The following STXBP4 variants were observed in gnomAD, a reference collection of about 807,000 sequenced individuals.
The protein encoded by STXBP4 is syntaxin binding protein 4.
STXBP4 carries 55 observed loss-of-function variants against 76.1 expected under a neutral mutation model. The observed-to-expected ratio is 0.72, with a 90% confidence interval of 0.58 to 0.91. STXBP4 has a LOEUF of 0.91. Among genes scored for constraint, STXBP4 ranks in the 40% least tolerant of loss-of-function variants. The pLI, the probability that STXBP4 is intolerant of heterozygous loss-of-function variation, is 0.00. For synonymous variants in STXBP4, 201 were observed against 220.2 expected, an observed-to-expected ratio of 0.91 and a Z score of 0.77; for missense variants, 618 against 636.9, an observed-to-expected ratio of 0.97 and a Z score of 0.32.
the STXBP4 span, among the ~76,000 whole-genome samples, chr17:55,179,662 A>C: frequency 6.6e-6 from 1 of 152,142 alleles, no homozygotes; most frequent in Admixed American, 6.5e-5. Flanking sequence ...CAATATGAAG[A>C]TGATGAAGAT....
chr17:55,128,353 A>G (rs1229650014), intron 16 of STXBP4, among the ~76,000 whole-genome samples: 1 of 152,140 alleles, frequency 6.6e-6, no homozygotes, highest in East Asian at 1.9e-4. Context: ...TCAGGAAGTT[A>G]CCACGCTGGG....
the STXBP4 span, among the ~76,000 whole-genome samples, chr17:55,208,883 A>T: frequency 2.1e-4 from 32 of 151,904 alleles, no homozygotes; most frequent in Non-Finnish European, 8.8e-5. Context: ...GGAGTTCAAG[A>T]CCAGCCTGGC....
Position 55,017,172 on chromosome 17 carries a change from TTCTA to T in STXBP4, c.666+9579_666+9582del, listed in dbSNP as rs541757624. Among the ~76,000 whole-genome samples the T allele has an allele frequency of 1.4e-4, 22 of 152,308 alleles. No individual in the cohort carries two copies. In the South Asian group the frequency reaches 4.4e-3, roughly 30 times the overall value. ...ATAGGGCACACTGGTTTTTTACTAT[TTCTA>T]TCTTTCTCTTTCTCTCTTCGACTCT... is the stretch of plus-strand genomic sequence containing the variant. On this transcript the variant is annotated intron_variant, in intron 8 of 17. Coordinates refer to ENST00000376352, the MANE Select transcript of STXBP4 (RefSeq NM_178509.6).
intron 1 of STXBP4, among the ~76,000 whole-genome samples, chr17:54,978,940 T>G (rs1253951793): frequency 6.6e-6 from 1 of 152,212 alleles, no homozygotes; most frequent in African/African-American, 2.4e-5. Flanking sequence ...AGTATTGTTT[T>G]ACATGATTAT....
At chr17:55,192,240 A>G in the STXBP4 span, among the ~76,000 whole-genome samples, 5 of 152,320 alleles carry the variant, frequency 3.3e-5, no homozygotes, top group South Asian at 1.0e-3. Flanking sequence ...GATAGAGTGT[A>G]TATTTTCAGA....
intron 17 of STXBP4, among the ~76,000 whole-genome samples, chr17:55,143,758 C>A (rs959588682): frequency 1.3e-5 from 2 of 152,122 alleles, no homozygotes; most frequent in Non-Finnish European, 2.9e-5. Context: ...GGAAAATATA[C>A]CCCCAAAGGG....
At chr17:55,125,143 T>G (rs952857231) in intron 16 of STXBP4, among the ~76,000 whole-genome samples, 2 of 152,144 alleles carry the variant, frequency 1.3e-5, no homozygotes, top group Non-Finnish European at 2.9e-5. Flanking sequence ...AACGTACAAT[T>G]TATTCATGTG....
chr17:54,972,783 C>G (rs148954156), intron 1 of STXBP4, among the ~76,000 whole-genome samples: 101 of 152,294 alleles, frequency 6.6e-4, no homozygotes, highest in Non-Finnish European at 1.3e-3. Flanking sequence ...TGTGTATAAA[C>G]AAGTGTGCAT....
chr17:55,047,976 G>C (rs936738373), intron 12 of STXBP4, among the ~76,000 whole-genome samples: 1 of 151,838 alleles, frequency 6.6e-6, no homozygotes, highest in Non-Finnish European at 1.5e-5. Flanking sequence ...ATAAAGAGTA[G>C]AGAGAAACTA....
At chr17:55,011,508 C>CTTTTTCTTT (rs1555566818) in intron 8 of STXBP4, among the ~76,000 whole-genome samples, 1 of 85,922 alleles carries the variant, frequency 1.2e-5, no homozygotes, top group East Asian at 4.2e-4. Flanking sequence ...TTTTCTTTTT[C>CTTTTTCTTT]TTTTTTTTTT....
chr17:54,992,705 C>CTTTTTT (rs760386476), intron 4 of STXBP4, among the ~76,000 whole-genome samples: 2 of 96,830 alleles, frequency 2.1e-5, no homozygotes, highest in Non-Finnish European at 4.0e-5. Flanking sequence ...AATTTGCTTC[C>CTTTTTT]TTTTTTTTTT....
chr17:54,999,198 A>C (rs1303365596), intron 4 of STXBP4, 147 bp from the exon 5 acceptor site: 1 of 590,828 alleles, frequency 1.7e-6, no homozygotes, highest in African/African-American at 1.9e-5. Flanking sequence ...TAATCAAGAG[A>C]TTTTGCTACT....
chr17:55,011,508 C>CTTTTTTTTTTTTTTTTTTTTT (rs3080154), intron 8 of STXBP4, among the ~76,000 whole-genome samples: 1 of 85,926 alleles, frequency 1.2e-5, no homozygotes, highest in Non-Finnish European at 2.0e-5. Context: ...TTTTCTTTTT[C>CTTTTTTTTTTTTTTTTTTTTT]TTTTTTTTTT....
chr17:54,987,518 A>G (rs2077643235), intron 3 of STXBP4, among the ~76,000 whole-genome samples: 1 of 152,052 alleles, frequency 6.6e-6, no homozygotes, highest in Non-Finnish European at 1.5e-5. Flanking sequence ...GTTTTTTGTT[A>G]TAACTTGTTT....
chr17:55,001,867 C>G (rs1192548889), intron 7 of STXBP4, among the ~76,000 whole-genome samples: 3 of 152,112 alleles, frequency 2.0e-5, no homozygotes, highest in African/African-American at 7.2e-5. Context: ...CTCCTGACCT[C>G]GTGATCTGCC....
chr17:55,078,547 A>G (rs1474536981), intron 14 of STXBP4, 139 bp from the exon 15 acceptor site: 2 of 599,226 alleles, frequency 3.3e-6, no homozygotes, highest in Middle Eastern at 4.4e-4. Context: ...TGTTAGTTCA[A>G]TTGTTTGCAC....
At chr17:55,128,925 CTTTTTTT>C (rs35073950) in intron 16 of STXBP4, among the ~76,000 whole-genome samples, 9 of 86,276 alleles carry the variant, frequency 1.0e-4, no homozygotes, top group African/African-American at 4.8e-4. Flanking sequence ...TGTAAGGATT[CTTTTTTT>C]TTTTTTTTTT....
chr17:55,158,168 T>C (rs571721787), intron 17 of STXBP4, among the ~76,000 whole-genome samples: 1 of 152,224 alleles, frequency 6.6e-6, no homozygotes, highest in East Asian at 1.9e-4. Context: ...GTTCAAGCAG[T>C]CCTCCCATAT....
Position 54,987,043 on chromosome 17 carries a change from C to T in STXBP4, c.47+777C>T, listed in dbSNP as rs1331025178. Among the ~76,000 whole-genome samples, 4 of 152,138 alleles carry T rather than the reference C, an allele frequency of 2.6e-5. No homozygotes were observed. In the East Asian group the frequency reaches 7.7e-4, roughly 29 times the overall value. On this transcript the variant is annotated intron_variant, in intron 3 of 17. Coordinates refer to ENST00000376352, the MANE Select transcript of STXBP4 (RefSeq NM_178509.6). Reference sequence around the variant, plus strand: ...CCAGTTTCCTCACATTTGCTGGTATCCCATGGGCCAAAGCAATTTAAATAG... The same window carrying T: ...CCAGTTTCCTCACATTTGCTGGTATTCCATGGGCCAAAGCAATTTAAATAG...
Sources: gnomAD v4.1 joint callset for allele counts (sites outside exome capture counted in the v4.1 genomes callset) on GRCh38, gnomAD v4.1.1 for gene constraint, MANE v1.5 for transcripts, NCBI Gene and HGNC (gene_info 2026-07-23, HGNC 2026-07-21) for gene names.